Variants in CCSER1 observed in about 807,000 individuals in gnomAD.
CCSER1 encodes serine-rich coiled-coil domain-containing protein 1.
CCSER1 carries 41 observed loss-of-function variants against 82.0 expected under a neutral mutation model. The observed-to-expected ratio is 0.50, with a 90% CI of 0.39 to 0.65. The LOEUF is 0.65. Among genes scored for constraint, CCSER1 ranks in the 30% least tolerant of loss-of-function variants. The pLI is 0.00. For missense variants in CCSER1, 1,119 were observed against 1,064.2 expected (o/e 1.05, Z -0.72); for synonymous variants, 414 against 383.9 (o/e 1.08, Z -0.92).
intron 5 of CCSER1, among the ~76,000 whole-genome samples, chr4:90,609,719 G>A (rs1785199510): frequency 1.3e-5 from 2 of 152,124 alleles, no homozygotes; most frequent in Admixed American, 1.3e-4. Flanking sequence ...GTTTCGCATG[G>A]AGGGACACTC....
rs374234978 is a variant in CCSER1, at chr4:91,409,828, G to C, written c.2218-188744G>C. 4.6e-5 allele frequency among the ~76,000 whole-genome samples: 7 copies of C among 152,130 alleles called. No homozygotes were observed. The East Asian group carries it at 1.4e-3, about 29-fold the overall frequency. On this transcript the variant is annotated intron_variant, in intron 10 of 10. Transcript: ENST00000509176. Reference sequence around the variant, plus strand: ...CTCCTGAGTAGCTGGGATCACAGGCGCCTGCCACCATGACTGGCTAATTTT... The same window carrying C: ...CTCCTGAGTAGCTGGGATCACAGGCCCCTGCCACCATGACTGGCTAATTTT...
At chr4:90,801,405 C>G (rs1280176759) in intron 7 of CCSER1, among the ~76,000 whole-genome samples, 1 of 152,016 alleles carries the variant, frequency 6.6e-6, no homozygotes, top group Non-Finnish European at 1.5e-5. Context: ...AATGATAAAG[C>G]CTCTGTACAA....
chr4:91,437,264 C>A (rs932408876), intron 10 of CCSER1, among the ~76,000 whole-genome samples: 5 of 152,134 alleles, frequency 3.3e-5, no homozygotes, highest in Admixed American at 2.0e-4. Flanking sequence ...ATCTCATACC[C>A]TGGGGGAAGC....
intron 5 of CCSER1, among the ~76,000 whole-genome samples, chr4:90,571,164 A>G (rs1173015931): frequency 6.6e-6 from 1 of 152,234 alleles, no homozygotes; most frequent in East Asian, 1.9e-4. Flanking sequence ...CGTGGAAAAC[A>G]GTTTGGAGAT....
chr4:90,273,411 C>T (rs914614964), intron 1 of CCSER1, among the ~76,000 whole-genome samples: 2 of 151,954 alleles, frequency 1.3e-5, no homozygotes, highest in Admixed American at 1.3e-4. Flanking sequence ...TGATAGATAC[C>T]TCATTTGCCC....
At chr4:90,762,346 G>A (rs1413721929) in intron 7 of CCSER1, among the ~76,000 whole-genome samples, 1 of 152,150 alleles carries the variant, frequency 6.6e-6, no homozygotes, top group Non-Finnish European at 1.5e-5. Context: ...TCCCAGCCCT[G>A]CTGAATTGTG....
chr4:91,100,945 C>G (rs993342164), intron 10 of CCSER1, among the ~76,000 whole-genome samples: 8 of 152,010 alleles, frequency 5.3e-5, no homozygotes, highest in Admixed American at 2.0e-4. Context: ...TTTTCTTCTT[C>G]TTTGGAAGTG....
chr4:91,091,496 TG>T (rs1299871347), intron 10 of CCSER1, among the ~76,000 whole-genome samples: 1 of 152,216 alleles, frequency 6.6e-6, no homozygotes, highest in Non-Finnish European at 1.5e-5. Context: ...GTCCTCTGTG[TG>T]GGAAGAAGCA....
intron 6 of CCSER1, among the ~76,000 whole-genome samples, chr4:90,694,917 C>A (rs559324774): frequency 1.3e-5 from 2 of 151,544 alleles, no homozygotes; most frequent in Admixed American, 6.6e-5. Context: ...GTTTTGAAAT[C>A]GTTTAATATA....
intron 10 of CCSER1, among the ~76,000 whole-genome samples, chr4:91,581,494 G>A (rs926074129): frequency 7.9e-5 from 12 of 151,604 alleles, no homozygotes; most frequent in African/African-American, 2.9e-4. Flanking sequence ...ACTTACTGCA[G>A]CTAAATGACA....
At chr4:90,706,499 A>T (rs965585620) in intron 6 of CCSER1, among the ~76,000 whole-genome samples, 6 of 152,150 alleles carry the variant, frequency 3.9e-5, no homozygotes, top group Non-Finnish European at 8.8e-5. Flanking sequence ...ACCACAACAA[A>T]AGTTAAAGAT....
At chr4:91,022,622 A>G (rs2150531193) in intron 9 of CCSER1, among the ~76,000 whole-genome samples, 1 of 152,294 alleles carries the variant, frequency 6.6e-6, no homozygotes, top group East Asian at 1.9e-4. Context: ...TTACAGTCCC[A>G]CCAACAGCGT....
chr4:91,494,009 A>G (rs998107344), intron 10 of CCSER1, among the ~76,000 whole-genome samples: 8 of 151,874 alleles, frequency 5.3e-5, no homozygotes, highest in African/African-American at 1.4e-4. Flanking sequence ...TTAATTGCCA[A>G]TGCAATAGTA....
chr4:90,289,861 G>C (rs1730592705), intron 1 of CCSER1, among the ~76,000 whole-genome samples: 1 of 151,734 alleles, frequency 6.6e-6, no homozygotes, highest in Non-Finnish European at 1.5e-5. Context: ...AATTTCTTAT[G>C]GTAGGTGCTA....
chr4:91,399,137 G>C (rs192146393), intron 10 of CCSER1, among the ~76,000 whole-genome samples: 16 of 151,966 alleles, frequency 1.1e-4, no homozygotes, highest in East Asian at 1.9e-4. Flanking sequence ...AACAATAAGA[G>C]CATGGCACAC....
At chr4:90,524,536 T>C (rs1773511290) in intron 5 of CCSER1, among the ~76,000 whole-genome samples, 1 of 152,296 alleles carries the variant, frequency 6.6e-6, no homozygotes, top group East Asian at 1.9e-4. Context: ...TGGTGTGATC[T>C]TGGCTCACTG....
At chr4:91,129,713 A>G (rs1727834020) in intron 10 of CCSER1, 1 of 152,042 alleles carries the variant, frequency 6.6e-6, no homozygotes, top group South Asian at 2.1e-4. Flanking sequence ...GTTGGAAACA[A>G]ATTTAGCAAC....
intron 10 of CCSER1, among the ~76,000 whole-genome samples, chr4:91,327,965 A>G (rs1013763359): frequency 6.6e-6 from 1 of 152,136 alleles, no homozygotes; most frequent in Non-Finnish European, 1.5e-5. Flanking sequence ...CCTCATCTCC[A>G]TCTGAGACCA....
intron 5 of CCSER1, among the ~76,000 whole-genome samples, chr4:90,480,471 G>A (rs1183557891): frequency 6.6e-6 from 1 of 152,088 alleles, no homozygotes; most frequent in Non-Finnish European, 1.5e-5. Context: ...ATCCTGAATG[G>A]TATTGCCTAG....
Sources: gnomAD v4.1 joint callset for allele counts (sites outside exome capture counted in the v4.1 genomes callset) on GRCh38, gnomAD v4.1.1 for gene constraint, MANE v1.5 for transcripts, NCBI Gene and HGNC (gene_info 2026-07-23, HGNC 2026-07-21) for gene names.